The following KCNN1 variants were observed in gnomAD, a reference collection of about 807,000 sequenced individuals.
KCNN1 encodes small conductance calcium-activated potassium channel protein 1.
Under a neutral mutation model 44.7 loss-of-function variants are expected in KCNN1, and 20 were observed. That is an observed-to-expected ratio of 0.45 (90% CI 0.32 to 0.65). The LOEUF is 0.65. KCNN1 is among the 30% of genes least tolerant of loss of function. KCNN1 has a pLI of 0.05. For synonymous variants in KCNN1, 324 were observed against 341.7 expected, an observed-to-expected ratio of 0.95 and a Z score of 0.57; for missense variants, 632 against 785.3, an observed-to-expected ratio of 0.80 and a Z score of 2.33.
chr19:17,957,180 A>G (rs1322293622), intron 2 of KCNN1, among the ~76,000 whole-genome samples: 2 of 103,930 alleles, frequency 1.9e-5, no homozygotes, highest in African/African-American at 7.5e-5. Flanking sequence ...AGAGGGGAGG[A>G]GAGGAGAGGG....
chr19:17,979,333 T>C lies in KCNN1; in HGVS notation c.499-2376T>C, dbSNP rs182772907. 8.8e-3 allele frequency among the ~76,000 whole-genome samples: 1,263 copies of C among 143,042 alleles called. 8 individuals carry two copies. The highest frequency in any genetic ancestry group is 0.031 in the African/African-American group (1,157 of 37,892). 93.8% of individuals were successfully genotyped at this position (143,042 alleles called of 152,430 possible). A position where few individuals can be genotyped will look rare whatever the true frequency, so the allele number is the denominator to read the frequency against. ...CTGTAGTCCCAGCTACTCGGGAGGCTGAGGCAGGAGAATGGCGTGAACCCG... is the reference window on the plus strand; with the variant it reads ...CTGTAGTCCCAGCTACTCGGGAGGCCGAGGCAGGAGAATGGCGTGAACCCG... On this transcript the variant is annotated intron_variant, in intron 3 of 9. Coordinates refer to ENST00000684775, the MANE Select transcript of KCNN1 (RefSeq NM_001386974.1).
At chr19:17,968,979 C>T (rs1345315651) in intron 1 of KCNN1, among the ~76,000 whole-genome samples, 1 of 152,110 alleles carries the variant, frequency 6.6e-6, no homozygotes, top group Non-Finnish European at 1.5e-5. Context: ...ATATACCTAG[C>T]TAATAGGGTG....
At chr19:17,969,241 C>G (rs1156609080) in intron 1 of KCNN1, among the ~76,000 whole-genome samples, 1 of 152,130 alleles carries the variant, frequency 6.6e-6, no homozygotes, top group Non-Finnish European at 1.5e-5. Context: ...AGGCCAGTTC[C>G]CCTCCCAGAA....
chr19:17,984,006 A>C (rs2032511474), intron 4 of KCNN1, among the ~76,000 whole-genome samples: 1 of 151,916 alleles, frequency 6.6e-6, no homozygotes, highest in Non-Finnish European at 1.5e-5. Context: ...AAATACAAAA[A>C]AAAAAAATTA....
At chr19:17,981,317 C>T (rs2032395583) in intron 3 of KCNN1, among the ~76,000 whole-genome samples, 1 of 151,834 alleles carries the variant, frequency 6.6e-6, no homozygotes, top group East Asian at 1.9e-4. Context: ...TTTGGGAGGC[C>T]GAGGTGGGCA....
chr19:17,991,151 G>GTAAAAAT lies in KCNN1; in HGVS notation c.1298+1315_1298+1321dup, dbSNP rs370332586. Among the ~76,000 whole-genome samples, 381 of 151,876 alleles carry GTAAAAAT rather than the reference G, an allele frequency of 2.5e-3. 2 individuals carry two copies. Among genetic ancestry groups the GTAAAAAT allele is most frequent in the African/African-American group, 8.7e-3 (360 of 41,392 alleles). ...GAAACATAGTGAGACCCCACTCTATGTAAAAATTAAAAAATAAAGCGAGGC... is the reference window on the plus strand; with the variant it reads ...GAAACATAGTGAGACCCCACTCTATGTAAAAATTAAAAATTAAAAAATAAAGCGAGGC... On this transcript the variant is annotated intron_variant, in intron 7 of 9. Transcript: ENST00000684775.
At chr19:17,966,006 TGCC>T (rs2031793796), upstream of KCNN1, among the ~76,000 whole-genome samples, 1 of 112,222 alleles carries the variant, frequency 8.9e-6, no homozygotes, top group African/African-American at 3.7e-5. Flanking sequence ...CCTGCCTGCC[TGCC>T]TGCCTGCCTG....
Position 17,975,089 on chromosome 19 carries a change from C to A in KCNN1, c.403-3C>A. The A allele has an allele frequency of 6.2e-7, 1 of 1,612,618 alleles. No homozygotes were observed. The highest frequency in any genetic ancestry group is 2.2e-5 in the East Asian group (1 of 44,866). ...ATCTGGCTGTGTCCTCTCTCTTTAC[C>A]AGGAGTCTCTGTACTCATTCGCACT... On this transcript the variant is annotated splice_region_variant and splice_polypyrimidine_tract_variant and intron_variant, in intron 2 of 9. Coordinates refer to ENST00000684775, the MANE Select transcript of KCNN1 (RefSeq NM_001386974.1).
At chr19:17,977,016 C>A (rs2032230334) in intron 3 of KCNN1, among the ~76,000 whole-genome samples, 1 of 151,894 alleles carries the variant, frequency 6.6e-6, no homozygotes, top group Non-Finnish European at 1.5e-5. Flanking sequence ...CATGCCTGGC[C>A]TATTCAACCT....
intron 3 of KCNN1, among the ~76,000 whole-genome samples, chr19:17,981,294 G>T (rs972249290): frequency 1.4e-4 from 22 of 152,106 alleles, no homozygotes; most frequent in African/African-American, 5.1e-4. Flanking sequence ...GCTTACGCCT[G>T]TAATCCCTGC....
chr19:17,974,067 G>T lies in KCNN1; in HGVS notation c.179G>T (p.Arg60Leu). Residue 60 changes from arginine to leucine, a missense_variant, in exon 2 of 10, where the codon CGG (arginine) becomes CTG (leucine). Physicochemically the swap from Arg to Leu is moderately radical, Grantham distance 102. Around this residue, in one of 3 missense-constraint regions of KCNN1, gnomAD observed 235 missense variants for 224.0 expected, o/e 1.05. Coordinates refer to ENST00000684775, the MANE Select transcript of KCNN1 (RefSeq NM_001386974.1). The surrounding 1 kb of genome is among the most constrained non-coding windows in gnomAD (Gnocchi z 7.3). ...EPARPSPGSP[R>L]GQPQDQDDDE... Reference sequence around the variant, plus strand: ...GCCCGGCCCTCACCCGGCAGCCCCCGGGGGCAGCCCCAGGACCAGGACGAT... The same window carrying T: ...GCCCGGCCCTCACCCGGCAGCCCCCTGGGGCAGCCCCAGGACCAGGACGAT... 1 of 1,610,992 alleles carries T rather than the reference G, an allele frequency of 6.2e-7. No individual in the cohort carries two copies. Among genetic ancestry groups the T allele is most frequent in the Admixed American group, 1.7e-5 (1 of 59,980 alleles).
chr19:17,986,317 C>T, intron 5 of KCNN1, among the ~76,000 whole-genome samples: 1 of 151,046 alleles, frequency 6.6e-6, no homozygotes, highest in East Asian at 1.9e-4. Flanking sequence ...GAGCGGAGAT[C>T]ACGTCATTGC....
rs984805513 is a variant in KCNN1, at chr19:17,981,765, C to T, written c.555C>T (p.Arg185=). 1.6e-5 allele frequency: 26 copies of T among 1,610,832 alleles called. No homozygotes were observed. The highest frequency in any genetic ancestry group is 2.1e-5 in the Non-Finnish European group (25 of 1,177,710). Residue 185 remains arginine, a synonymous_variant, in exon 4 of 10, where the codon CGC becomes CGT. Coordinates refer to ENST00000684775, the MANE Select transcript of KCNN1 (RefSeq NM_001386974.1). The stretch of plus-strand genomic sequence containing the variant: ...GGCGCATCGCCATGACCTGCGAGCG[C>T]GTGTTCCTCATCTCGCTAGAGCTGG... ...DDWRIAMTCE[R]VFLISLELAV... is the part of the protein sequence containing the mutation.
upstream of KCNN1, among the ~76,000 whole-genome samples, chr19:17,963,822 C>T (rs1008907556): frequency 3.6e-4 from 54 of 151,706 alleles, no homozygotes; most frequent in African/African-American, 1.3e-3. Flanking sequence ...ACCTCCTGGG[C>T]TCGAGCGATC....
At chr19:17,957,195 A>G (rs1390202764) in intron 2 of KCNN1, among the ~76,000 whole-genome samples, 1 of 89,882 alleles carries the variant, frequency 1.1e-5, no homozygotes, top group Admixed American at 1.4e-4. Context: ...AGAGGGGAGG[A>G]GAGGGGAGGA....
intron 1 of KCNN1, among the ~76,000 whole-genome samples, chr19:17,968,286 G>A (rs909489217): frequency 1.3e-5 from 2 of 152,074 alleles, no homozygotes; most frequent in African/African-American, 4.8e-5. Context: ...CTGCCTTGGG[G>A]ATTGAGGGGC....
upstream of KCNN1, among the ~76,000 whole-genome samples, chr19:17,963,532 T>A (rs1209020779): frequency 2.6e-5 from 4 of 152,020 alleles, no homozygotes; most frequent in East Asian, 7.7e-4. Flanking sequence ...GCCAGGTTGG[T>A]CTCGAACTCC....
chr19:17,954,590 G>A, exon 2 of KCNN1: 1 of 153,640 alleles, frequency 6.5e-6, no homozygotes, highest in Non-Finnish European at 1.4e-5. Context: ...GGCAGCAGCA[G>A]CCACCCTCTC....
At chr19:17,955,241 C>T (rs1281730295) in intron 2 of KCNN1, among the ~76,000 whole-genome samples, 1 of 149,504 alleles carries the variant, frequency 6.7e-6, no homozygotes, top group East Asian at 2.0e-4. Flanking sequence ...CAGAGCGAGA[C>T]CCCCATCTCT....
Sources: gnomAD v4.1 joint callset for allele counts (sites outside exome capture counted in the v4.1 genomes callset) on GRCh38, gnomAD v4.1.1 for gene constraint, gnomAD v4.1.1 regional missense constraint, Gnocchi (gnomAD v3.1) non-coding constraint, MANE v1.5 for transcripts, NCBI Gene and HGNC (gene_info 2026-07-23, HGNC 2026-07-21) for gene names.